Variants in LDLRAD4 observed in about 807,000 individuals in gnomAD.
The protein encoded by LDLRAD4 is low density lipoprotein receptor class A domain containing 4.
LDLRAD4 carries 5 observed loss-of-function variants against 17.0 expected under a neutral mutation model. The ratio of observed to expected loss-of-function variants is 0.29; its 90% confidence interval spans 0.15 to 0.62. LDLRAD4 has a LOEUF of 0.62. LDLRAD4 is among the 20% of genes least tolerant of loss of function. The pLI is 0.84. For synonymous variants in LDLRAD4, 168 were observed against 171.8 expected, an observed-to-expected ratio of 0.98 and a Z score of 0.17; for missense variants, 340 against 424.7, an observed-to-expected ratio of 0.80 and a Z score of 1.75.
intron 1 of LDLRAD4, among the ~76,000 whole-genome samples, chr18:13,287,320 G>C (rs531595462): frequency 3.8e-4 from 58 of 152,170 alleles, no homozygotes; most frequent in Non-Finnish European, 6.3e-4. Context: ...AGGATGATCT[G>C]TTCTGTTATC....
Position 13,300,313 on chromosome 18 carries a change from G to C in LDLRAD4, c.-383+22125G>C, listed in dbSNP as rs1307904554. Among the ~76,000 whole-genome samples the C allele has an allele frequency of 6.6e-6, 1 of 152,226 alleles. No homozygotes were observed. The highest frequency in any genetic ancestry group is 1.5e-5 in the Non-Finnish European group (1 of 68,044). On this transcript the variant is annotated intron_variant, in intron 1 of 5. Transcript: ENST00000359446. This position sits in a 1 kb window ranked among gnomAD's most constrained non-coding sequence, Gnocchi z 4.2. ...CACCCCGCGCCTGTGCTCTGCCTCA[G>C]CCACAAGGCCACCTCACCAGGCAGA...
At chr18:13,625,623 G>T (rs1568424921) in intron 4 of LDLRAD4, among the ~76,000 whole-genome samples, 1 of 152,122 alleles carries the variant, frequency 6.6e-6, no homozygotes, top group Non-Finnish European at 1.5e-5. Context: ...AGCTCAGCCA[G>T]TTCTGGTCCC....
chr18:13,648,162 C>G (rs2043087561), exon 6 of LDLRAD4: 1 of 152,234 alleles, frequency 6.6e-6, no homozygotes, highest in South Asian at 2.1e-4. Context: ...CTTCACAGTC[C>G]TTACTTCTCT....
rs546406904 is a variant in LDLRAD4 at position 13,445,711 on chromosome 18, ATG to A, written c.181+7336_181+7337del. ...GTGTGTAGGTGAGGGTGTGTGATGCATGTGTGTGTGAGAATGTGTAGGTGCAT... is the reference window on the plus strand; with the variant it reads ...GTGTGTAGGTGAGGGTGTGTGATGCATGTGTGTGAGAATGTGTAGGTGCAT... On this transcript the variant is annotated intron_variant, in intron 3 of 5. Coordinates refer to ENST00000359446, the Ensembl canonical transcript of LDLRAD4. 6.8e-5 allele frequency among the ~76,000 whole-genome samples: 10 copies of A among 146,532 alleles called. No individual in the cohort carries two copies. The South Asian group carries it at 1.5e-3, about 22-fold the overall frequency.
rs370707500 is a variant in LDLRAD4 at position 13,322,290 on chromosome 18, C to CTTTTTT, written c.-383+44118_-383+44123dup. 1.2e-3 allele frequency among the ~76,000 whole-genome samples: 127 copies of CTTTTTT among 109,728 alleles called. 4 individuals carry two copies. Among genetic ancestry groups the CTTTTTT allele is most frequent in the Middle Eastern group, 0.015 (2 of 134 alleles). The allele number at this position is 109,728 out of a possible 152,430, so 72.0% of individuals were successfully genotyped here. The stretch of plus-strand genomic sequence containing the variant: ...TTATTTAAGCCAGTCACTTTTCTCA[C>CTTTTTT]TTTTTTTTTTTTTTTTTTTTTGGTT... On this transcript the variant is annotated intron_variant, in intron 1 of 5. Coordinates refer to ENST00000359446, the Ensembl canonical transcript of LDLRAD4.
intron 2 of LDLRAD4, among the ~76,000 whole-genome samples, chr18:13,395,146 C>T (rs375522264): frequency 2.0e-5 from 3 of 152,158 alleles, no homozygotes; most frequent in African/African-American, 7.2e-5. Flanking sequence ...CTTTACCACA[C>T]TGAGGTAGAG....
intron 2 of LDLRAD4, among the ~76,000 whole-genome samples, chr18:13,414,732 G>C (rs1337451097): frequency 2.0e-5 from 3 of 152,216 alleles, no homozygotes; most frequent in African/African-American, 7.2e-5. Flanking sequence ...AGGGTGGGGA[G>C]CTCGAGAAGG....
At position 13,317,131 on chromosome 18, in the gene LDLRAD4, G is replaced by A. The variant is rs116919398; in HGVS notation, c.-383+38943G>A. ...AGCTGGTGCACCAATGTCAGGTGAA[G>A]CAGACATCAAAGCATCGGGCATTGC... On this transcript the variant is annotated intron_variant, in intron 1 of 5. Transcript: ENST00000359446. 2.3e-4 allele frequency among the ~76,000 whole-genome samples: 35 copies of A among 152,300 alleles called. No individual in the cohort carries two copies. The East Asian group carries it at 6.7e-3, about 29-fold the overall frequency.
At chr18:13,427,263 C>T (rs533240581) in intron 2 of LDLRAD4, 4 of 152,456 alleles carry the variant, frequency 2.6e-5, no homozygotes, top group East Asian at 3.9e-4. Context: ...AGAAGGAAGA[C>T]GTTTTCAAAT....
At chr18:13,260,950 G>T (rs1471288672) in intron 1 of LDLRAD4, among the ~76,000 whole-genome samples, 1 of 152,236 alleles carries the variant, frequency 6.6e-6, no homozygotes, top group Non-Finnish European at 1.5e-5. Context: ...TCTTCCATTT[G>T]TTGGGACTAA....
At chr18:13,575,023 A>C (rs2094748873) in intron 3 of LDLRAD4, among the ~76,000 whole-genome samples, 1 of 152,192 alleles carries the variant, frequency 6.6e-6, no homozygotes, top group African/African-American at 2.4e-5. Context: ...AACAAACAAA[A>C]ACCTAAAAAA....
intron 4 of LDLRAD4, chr18:13,642,244 C>G: frequency 2.0e-6 from 2 of 986,812 alleles, no homozygotes; most frequent in Non-Finnish European, 2.4e-6. Flanking sequence ...GCGCCGGGGC[C>G]GTCGGAGGCT....
At chr18:13,470,614 C>G (rs2092741849) in intron 3 of LDLRAD4, among the ~76,000 whole-genome samples, 2 of 149,860 alleles carry the variant, frequency 1.3e-5, no homozygotes, top group Admixed American at 6.7e-5. Flanking sequence ...GAGTCAGTCA[C>G]TGTCAGTCAG....
intron 3 of LDLRAD4, among the ~76,000 whole-genome samples, chr18:13,513,716 A>C (rs113118364): frequency 3.9e-5 from 6 of 152,294 alleles, no homozygotes; most frequent in African/African-American, 1.4e-4. Context: ...CTTTGATTTC[A>C]TGAGAGCGTG....
At chr18:13,644,993 C>CTT in intron 5 of LDLRAD4, 134 bp from the exon 7 acceptor site, 5 of 600,372 alleles carry the variant, frequency 8.3e-6, no homozygotes, top group Non-Finnish European at 1.1e-5. Flanking sequence ...TTCCTGTTTT[C>CTT]TTTTTTTTTT....
chr18:13,309,115 A>T (rs1416943220), intron 1 of LDLRAD4, among the ~76,000 whole-genome samples: 1 of 152,232 alleles, frequency 6.6e-6, no homozygotes, highest in Non-Finnish European at 1.5e-5. Flanking sequence ...GCATGTTCTC[A>T]GCAGAGGCAG....
chr18:13,566,763 G>C (rs929890958), intron 3 of LDLRAD4, among the ~76,000 whole-genome samples: 1 of 152,174 alleles, frequency 6.6e-6, no homozygotes, highest in Non-Finnish European at 1.5e-5. Flanking sequence ...CTTGACACAT[G>C]GGTTCTCCCC....
chr18:13,540,196 A>T (rs1310786440), intron 3 of LDLRAD4, among the ~76,000 whole-genome samples: 1 of 152,252 alleles, frequency 6.6e-6, no homozygotes, highest in Non-Finnish European at 1.5e-5. Flanking sequence ...TGTCTTTTTT[A>T]AAAAATACAA....
rs183122473 is a variant in LDLRAD4, at chr18:13,558,429, C to G, written c.182-62688C>G. Reference sequence around the variant, plus strand: ...CCAGGCCACGTGGTGAAGAGCATTCCTGGAAAACATTGTTCTAGACCCACC... The same window carrying G: ...CCAGGCCACGTGGTGAAGAGCATTCGTGGAAAACATTGTTCTAGACCCACC... On this transcript the variant is annotated intron_variant, in intron 3 of 5. Transcript: ENST00000359446. Among the ~76,000 whole-genome samples the G allele has an allele frequency of 1.3e-3, 200 of 152,324 alleles. 1 individual carries two copies. The highest frequency in any genetic ancestry group is 4.6e-3 in the African/African-American group (191 of 41,578).
Sources: gnomAD v4.1 joint callset for allele counts (sites outside exome capture counted in the v4.1 genomes callset) on GRCh38, gnomAD v4.1.1 for gene constraint, Gnocchi (gnomAD v3.1) non-coding constraint, MANE v1.5 for transcripts, NCBI Gene and HGNC (gene_info 2026-07-23, HGNC 2026-07-21) for gene names.